The following DPP10 variants were observed in gnomAD, a reference collection of about 807,000 sequenced individuals.
The protein encoded by DPP10 is inactive dipeptidyl peptidase 10.
DPP10 carries 33 observed loss-of-function variants against 120.9 expected under a neutral mutation model. The observed-to-expected ratio is 0.27, with a 90% CI of 0.21 to 0.37. DPP10 has a LOEUF of 0.37. Among genes scored for constraint, DPP10 ranks in the 10% least tolerant of loss-of-function variants. The pLI, the probability that DPP10 is intolerant of heterozygous loss-of-function variation, is 1.00. For synonymous variants in DPP10, 337 were observed against 326.1 expected (o/e 1.03, Z -0.36); for missense variants, 816 against 942.8 (o/e 0.87, Z 1.76).
intron 5 of DPP10, among the ~76,000 whole-genome samples, chr2:115,574,153 C>T (rs2081516620): frequency 6.6e-6 from 1 of 152,162 alleles, no homozygotes; most frequent in South Asian, 2.1e-4. Context: ...CCCATCTCCA[C>T]CCTAGACCCT....
intron 1 of DPP10, among the ~76,000 whole-genome samples, chr2:114,801,101 A>C (rs1684162198): frequency 6.6e-6 from 1 of 151,864 alleles, no homozygotes; most frequent in Admixed American, 6.6e-5. Flanking sequence ...GTCTCTACTA[A>C]AAATACAAAA....
chr2:115,755,027 A>G (rs960165650), intron 11 of DPP10, among the ~76,000 whole-genome samples: 7 of 152,110 alleles, frequency 4.6e-5, no homozygotes, highest in Non-Finnish European at 1.0e-4. Context: ...AAATGCATAT[A>G]TCCCGTAATT....
intron 1 of DPP10, among the ~76,000 whole-genome samples, chr2:114,526,411 T>C (rs1685502633): frequency 6.6e-6 from 1 of 152,210 alleles, no homozygotes; most frequent in African/African-American, 2.4e-5. Context: ...TTACAATATC[T>C]GTATTTATTC....
chr2:115,286,501 T>TAAC (rs1559366613), intron 1 of DPP10, among the ~76,000 whole-genome samples: 1 of 53,254 alleles, frequency 1.9e-5, no homozygotes, highest in African/African-American at 5.4e-5. Flanking sequence ...AATATATATA[T>TAAC]ATTACATATA....
Position 114,654,291 on chromosome 2 carries a change from T to C in DPP10, c.60+211453T>C, listed in dbSNP as rs151228395. Among the ~76,000 whole-genome samples the C allele has an allele frequency of 3.0e-3, 458 of 152,306 alleles. 2 individuals are homozygous for C. Among genetic ancestry groups the C allele is most frequent in the Admixed American group, 9.0e-3 (138 of 15,296 alleles). ...AATCTGAGGTGAAGTGACTTCCCAT[T>C]ACATGACTTTTGACCCCCATCGTTG... On this transcript the variant is annotated intron_variant, in intron 1 of 25. Transcript: ENST00000410059.
intron 1 of DPP10, among the ~76,000 whole-genome samples, chr2:114,675,130 C>T (rs1294711893): frequency 1.3e-5 from 2 of 152,052 alleles, no homozygotes; most frequent in Non-Finnish European, 2.9e-5. Flanking sequence ...TTTTATGAAC[C>T]TCCTCATCAG....
At chr2:115,316,467 C>T (rs2061798039) in intron 2 of DPP10, among the ~76,000 whole-genome samples, 1 of 152,022 alleles carries the variant, frequency 6.6e-6, no homozygotes, top group South Asian at 2.1e-4. Flanking sequence ...GAAGGCATAG[C>T]AGAGAAAGAA....
intron 1 of DPP10, among the ~76,000 whole-genome samples, chr2:114,697,364 T>G (rs1324654621): frequency 1.3e-5 from 2 of 152,054 alleles, no homozygotes; most frequent in African/African-American, 4.8e-5. Flanking sequence ...GGTTAGTTAG[T>G]AGACATAGAA....
intron 1 of DPP10, among the ~76,000 whole-genome samples, chr2:115,069,141 G>T (rs769942051): frequency 1.9e-4 from 29 of 151,782 alleles, no homozygotes; most frequent in Non-Finnish European, 3.5e-4. Context: ...TATTTGTTTT[G>T]AATTTTTAAC....
At chr2:115,622,203 C>A (rs1175156754) in intron 5 of DPP10, among the ~76,000 whole-genome samples, 1 of 152,136 alleles carries the variant, frequency 6.6e-6, no homozygotes, top group Non-Finnish European at 1.5e-5. Flanking sequence ...AGCCCCCAGC[C>A]ATAGACAAGA....
At chr2:115,593,628 A>G (rs2082809890) in intron 5 of DPP10, among the ~76,000 whole-genome samples, 1 of 152,226 alleles carries the variant, frequency 6.6e-6, no homozygotes, top group South Asian at 2.1e-4. Context: ...TTCAGAATTC[A>G]GACTAAAATG....
At chr2:114,451,908 C>G (rs759490312) in intron 1 of DPP10, among the ~76,000 whole-genome samples, 1 of 152,122 alleles carries the variant, frequency 6.6e-6, no homozygotes, top group Non-Finnish European at 1.5e-5. Context: ...ATTAGCCAGA[C>G]AGGTTTTACA....
In DPP10 at chr2:114,935,541, C is replaced by A. The variant is rs1696397494; in HGVS notation, c.61-373698C>A. 4.6e-5 allele frequency among the ~76,000 whole-genome samples: 7 copies of A among 152,194 alleles called. No individual in the cohort carries two copies. In the South Asian group the frequency reaches 1.5e-3, roughly 32 times the overall value. On this transcript the variant is annotated intron_variant, in intron 1 of 25. Transcript: ENST00000410059. ...CTGTCCCTTCATAAAATTGTGTTTC[C>A]ATGGTAGTGTCATTTAAAGGTGAAT...
intron 1 of DPP10, among the ~76,000 whole-genome samples, chr2:115,010,885 C>T (rs1340002186): frequency 6.6e-6 from 1 of 152,102 alleles, no homozygotes; most frequent in East Asian, 1.9e-4. Flanking sequence ...AAGATTGATG[C>T]AGAACAACTA....
At chr2:115,363,071 T>A (rs1355258320) in intron 3 of DPP10, among the ~76,000 whole-genome samples, 1 of 152,190 alleles carries the variant, frequency 6.6e-6, no homozygotes, top group African/African-American at 2.4e-5. Context: ...GTCAACAGCA[T>A]CTGAAAGCAT....
At chr2:115,317,683 C>T (rs192184041) in intron 2 of DPP10, among the ~76,000 whole-genome samples, 1 of 148,108 alleles carries the variant, frequency 6.8e-6, no homozygotes, top group Non-Finnish European at 1.5e-5. Context: ...AGTAGTATCT[C>T]ATTTGGTTTT....
chr2:115,173,620 A>T (rs906912868), intron 1 of DPP10, among the ~76,000 whole-genome samples: 2 of 152,194 alleles, frequency 1.3e-5, no homozygotes, highest in Non-Finnish European at 2.9e-5. Context: ...TGCTTTAGGT[A>T]GGCACATATT....
chr2:115,361,097 G>A (rs1299446523), intron 3 of DPP10, among the ~76,000 whole-genome samples: 3 of 152,066 alleles, frequency 2.0e-5, no homozygotes, highest in African/African-American at 7.2e-5. Flanking sequence ...CTCAGGCAGA[G>A]GCTGAGGATG....
chr2:115,006,843 G>A (rs1701884898), intron 1 of DPP10, among the ~76,000 whole-genome samples: 1 of 151,612 alleles, frequency 6.6e-6, no homozygotes. Context: ...CCCAGGAATT[G>A]AACTCAGCTC....
Sources: gnomAD v4.1 joint callset for allele counts (sites outside exome capture counted in the v4.1 genomes callset) on GRCh38, gnomAD v4.1.1 for gene constraint, MANE v1.5 for transcripts, NCBI Gene and HGNC (gene_info 2026-07-23, HGNC 2026-07-21) for gene names.